The following OPRPN variants were observed in gnomAD, a reference collection of about 807,000 sequenced individuals.
OPRPN encodes the protein basic proline-rich lacrimal protein.
Under a neutral mutation model 2.2 loss-of-function variants are expected in OPRPN, and 1 was observed. The observed-to-expected ratio is 0.45, with a 90% CI of 0.16 to 2.15. The LOEUF (loss-of-function observed/expected upper bound fraction) is 2.15. Ranked by LOEUF, OPRPN falls within the 30% of genes most tolerant of loss-of-function variation. OPRPN has a pLI of 0.28. For synonymous variants in OPRPN, 126 were observed against 111.5 expected (o/e 1.13, Z -0.82); for missense variants, 306 against 297.3 (o/e 1.03, Z -0.21).
At chr4:70,403,256 A>C (rs1359446045) in intron 2 of OPRPN, among the ~76,000 whole-genome samples, 6 of 152,158 alleles carry the variant, frequency 3.9e-5, no homozygotes, top group Non-Finnish European at 1.5e-5. Context: ...AACTTTTCTG[A>C]AAAGGGCCAG....
chr4:70,398,333 A>G (rs1385904807), intron 1 of OPRPN, among the ~76,000 whole-genome samples: 6 of 152,066 alleles, frequency 3.9e-5, no homozygotes, highest in South Asian at 2.1e-4. Flanking sequence ...CATGAGTAGA[A>G]GAGTCTTAAA....
chr4:70,402,975 T>A (rs879621383), intron 2 of OPRPN, among the ~76,000 whole-genome samples: 6 of 152,184 alleles, frequency 3.9e-5, no homozygotes, highest in East Asian at 1.9e-4. Context: ...CTGAGTGACA[T>A]GCAAAACTTT....
chr4:70,407,630 T>C (rs147436433), intron 2 of OPRPN, among the ~76,000 whole-genome samples: 1 of 152,272 alleles, frequency 6.6e-6, no homozygotes, highest in South Asian at 2.1e-4. Context: ...TGGAGAGAGA[T>C]AAACTAATAA....
chr4:70,406,011 T>C (rs895277114), intron 2 of OPRPN, among the ~76,000 whole-genome samples: 5 of 151,680 alleles, frequency 3.3e-5, no homozygotes, highest in African/African-American at 1.2e-4. Flanking sequence ...GAGGTTGAAG[T>C]GAGCTGAGGT....
chr4:70,405,365 A>G (rs181256393), intron 2 of OPRPN, among the ~76,000 whole-genome samples: 63 of 152,306 alleles, frequency 4.1e-4, no homozygotes, highest in Middle Eastern at 3.4e-3. Flanking sequence ...GTAATTTTTC[A>G]CATGATTTCT....
Position 70,410,073 on chromosome 4 carries a change from T to C in OPRPN, c.745T>C (p.Ter249ArgextTer5), listed in dbSNP as rs202206824. 175 of 1,537,466 alleles carry C rather than the reference T, an allele frequency of 1.1e-4. No individual in the cohort carries two copies. Among genetic ancestry groups the C allele is most frequent in the Non-Finnish European group, 1.2e-4 (138 of 1,142,782 alleles). Residue 249 changes from the stop codon to arginine (R), a stop_lost, in exon 3 of 3, where the codon TGA becomes CGA. Transcript: ENST00000399575. ...FWQKLFAIFG[*>R] ...GCAAAAACTCTTTGCCATTTTTGGT[T>C]GAACATGCAATAAATGATATTTTCC...
chr4:70,409,855 G>A lies in OPRPN; in HGVS notation c.527G>A (p.Ser176Asn). 1.2e-6 allele frequency: 2 copies of A among 1,612,748 alleles called. No individual in the cohort carries two copies. Among genetic ancestry groups the A allele is most frequent in the African/African-American group, 1.3e-5 (1 of 74,760 alleles). The part of the protein sequence containing the change: ...STSTKPTMTI[S>N]SSTVPISSTP... ...TCCACAAAACCCACAATGACGATCAGCTCCTCAACAGTACCTATCTCTTCA... is the reference window on the plus strand; with the variant it reads ...TCCACAAAACCCACAATGACGATCAACTCCTCAACAGTACCTATCTCTTCA... Residue 176 changes from serine (S) to asparagine (N), a missense_variant, in exon 3 of 3, where the codon AGC (serine) becomes AAC (asparagine). Coordinates refer to ENST00000399575, the MANE Select transcript of OPRPN (RefSeq NM_021225.5).
At chr4:70,403,150 C>A (rs910927947) in intron 2 of OPRPN, among the ~76,000 whole-genome samples, 1 of 152,118 alleles carries the variant, frequency 6.6e-6, no homozygotes, top group South Asian at 2.1e-4. Flanking sequence ...AAGAAGGATA[C>A]AAACACTGAT....
intron 2 of OPRPN, among the ~76,000 whole-genome samples, chr4:70,405,239 C>T (rs1026474856): frequency 6.6e-6 from 1 of 152,248 alleles, no homozygotes; most frequent in Middle Eastern, 3.4e-3. Flanking sequence ...TTATAATGTT[C>T]ACTACCATTG....
rs1489088355 is a variant in OPRPN, at chr4:70,409,682, G to A, written c.354G>A (p.Arg118=). ...PLRPYYVGPI[R]ILKPPFPPIP... The stretch of plus-strand genomic sequence containing the variant: ...GACCTTACTATGTAGGACCTATTAG[G>A]ATATTAAAACCCCCATTTCCTCCTA... The change falls in exon 3 of 3, where the codon AGG becomes AGA. Residue 118 remains arginine, a synonymous_variant. Coordinates refer to ENST00000399575, the MANE Select transcript of OPRPN (RefSeq NM_021225.5). The A allele has an allele frequency of 7.4e-6, 12 of 1,613,540 alleles. No homozygotes were observed. The highest frequency in any genetic ancestry group is 4.5e-5 in the East Asian group (2 of 44,888).
chr4:70,399,108 A>T (rs904232717), intron 1 of OPRPN, among the ~76,000 whole-genome samples, 163 bp from the exon 2 acceptor site: 2 of 151,882 alleles, frequency 1.3e-5, no homozygotes, highest in African/African-American at 4.8e-5. Context: ...CTGTGCATCT[A>T]TGCTGCTTCC....
intron 2 of OPRPN, among the ~76,000 whole-genome samples, chr4:70,401,472 A>G (rs754954845): frequency 1.1e-4 from 17 of 152,116 alleles, no homozygotes; most frequent in Non-Finnish European, 2.4e-4. Flanking sequence ...TAGGATTTAA[A>G]TTAAAAATAA....
chr4:70,409,213 T>C (rs1231038274), intron 2 of OPRPN, among the ~76,000 whole-genome samples, 167 bp from the exon 3 acceptor site: 1 of 152,216 alleles, frequency 6.6e-6, no homozygotes, highest in Non-Finnish European at 1.5e-5. Context: ...AATTTTCTAT[T>C]CCTTATTTTT....
chr4:70,409,305 G>A (rs1733158610), intron 2 of OPRPN, 75 bp from the exon 3 acceptor site: 1 of 1,146,896 alleles, frequency 8.7e-7, no homozygotes, highest in Non-Finnish European at 1.2e-6. Flanking sequence ...TTAATACATA[G>A]TATATCCTAA....
At chr4:70,398,073 T>A (rs4426856) in intron 1 of OPRPN, 33 bp downstream of exon 1, 2 of 151,600 alleles carry the variant, frequency 1.3e-5, no homozygotes, top group African/African-American at 4.8e-5. Flanking sequence ...GTAAGAATTT[T>A]CACTTCGGAA....
chr4:70,398,137 A>G (rs950009016), intron 1 of OPRPN, 97 bp downstream of exon 1: 2 of 151,836 alleles, frequency 1.3e-5, no homozygotes, highest in East Asian at 3.9e-4. Context: ...TTTTAATGGA[A>G]ATAGCCTCGT....
At chr4:70,399,855 AT>A (rs1479489131) in intron 2 of OPRPN, among the ~76,000 whole-genome samples, 2 of 151,944 alleles carry the variant, frequency 1.3e-5, no homozygotes, top group African/African-American at 4.8e-5. Context: ...TATATTCATT[AT>A]GACTAAAATA....
chr4:70,399,604 T>C (rs1732929938), intron 2 of OPRPN: 1 of 271,856 alleles, frequency 3.7e-6, no homozygotes, highest in Admixed American at 5.1e-5. Context: ...TCTAGAGATA[T>C]CTCTTCCTTT....
Position 70,409,931 on chromosome 4 carries a change from T to C in OPRPN, c.603T>C (p.Thr201=). ...CAGCAGCAACCCCCGCAGCATCTAC[T>C]GAAAATACTACTCAAATTCTCGCCA... is the stretch of plus-strand genomic sequence containing the variant. ...SISAATPAAS[T]ENTTQILANR... Residue 201 remains threonine, a synonymous_variant, in exon 3 of 3, where the codon ACT becomes ACC. Coordinates refer to ENST00000399575, the MANE Select transcript of OPRPN (RefSeq NM_021225.5). 1 of 1,614,076 alleles carries C rather than the reference T, an allele frequency of 6.2e-7. No individual in the cohort carries two copies. The highest frequency in any genetic ancestry group is 8.5e-7 in the Non-Finnish European group (1 of 1,179,952).
Sources: allele counts gnomAD v4.1 joint callset (sites outside exome capture counted in the v4.1 genomes callset), GRCh38; gene constraint gnomAD v4.1.1; transcripts MANE v1.5; gene names NCBI Gene and HGNC (gene_info 2026-07-23, HGNC 2026-07-21).